The following PDE7B variants were observed in gnomAD, a reference collection of about 807,000 sequenced individuals.
PDE7B encodes the protein phosphodiesterase 7B, also known as 3',5'-cyclic-AMP phosphodiesterase 7B.
PDE7B carries 29 observed loss-of-function variants against 56.2 expected under a neutral mutation model. The observed-to-expected ratio is 0.52, with a 90% CI of 0.38 to 0.70. The LOEUF (loss-of-function observed/expected upper bound fraction) is 0.70. Among genes scored for constraint, PDE7B ranks in the 30% least tolerant of loss-of-function variants. The probability of loss-of-function intolerance (pLI) is 0.00; values close to 1 mark genes in which losing one functional copy is unlikely to be tolerated. For synonymous variants in PDE7B, 197 were observed against 196.9 expected, an observed-to-expected ratio of 1.00 and a Z score of 0.00; for missense variants, 490 against 565.0, an observed-to-expected ratio of 0.87 and a Z score of 1.35.
At chr6:136,077,145 C>T (rs534996925) in intron 2 of PDE7B, among the ~76,000 whole-genome samples, 10 of 151,950 alleles carry the variant, frequency 6.6e-5, no homozygotes, top group African/African-American at 2.2e-4. Flanking sequence ...GAGCATCTAG[C>T]ACAGGAGAGA....
chr6:135,857,024 T>TC lies in PDE7B; in HGVS notation c.21+5007dup, dbSNP rs1562412156. Among the ~76,000 whole-genome samples, 141 of 127,588 alleles carry TC rather than the reference T, an allele frequency of 1.1e-3. 2 individuals carry two copies. Among genetic ancestry groups the TC allele is most frequent in the East Asian group, 6.3e-3 (26 of 4,096 alleles). The allele number at this position is 127,588 out of a possible 152,430, so 83.7% of individuals were successfully genotyped here. On this transcript the variant is annotated intron_variant, in intron 1 of 12. Transcript: ENST00000308191. Reference sequence around the variant, plus strand: ...TTTCCTTCTGCCCTCTTACTCCTTTTCCTCCCTCCCTCCCTCCCTCCCTCC... The same window carrying TC: ...TTTCCTTCTGCCCTCTTACTCCTTTTCCCTCCCTCCCTCCCTCCCTCCCTCC...
chr6:136,147,695 C>T (rs541887984), intron 4 of PDE7B, among the ~76,000 whole-genome samples, 193 bp downstream of exon 4: 6 of 152,220 alleles, frequency 3.9e-5, no homozygotes, highest in East Asian at 1.9e-4. Flanking sequence ...ATGAGGTGCA[C>T]GAAGTAAACC....
At chr6:136,001,361 A>G (rs1184204335) in intron 2 of PDE7B, among the ~76,000 whole-genome samples, 2 of 152,248 alleles carry the variant, frequency 1.3e-5, no homozygotes, top group Non-Finnish European at 2.9e-5. Context: ...AATGACTTTG[A>G]CGAGTTGAGA....
chr6:135,890,926 T>A (rs1775799728), intron 1 of PDE7B, among the ~76,000 whole-genome samples: 1 of 152,172 alleles, frequency 6.6e-6, no homozygotes. Flanking sequence ...TTTCGAACAG[T>A]TAACTGTATA....
intron 1 of PDE7B, among the ~76,000 whole-genome samples, chr6:135,863,775 C>T (rs1007064311): frequency 1.3e-5 from 2 of 150,038 alleles, no homozygotes; most frequent in African/African-American, 4.9e-5. Context: ...TTAGTGGTTG[C>T]ATGCCTTATC....
At chr6:136,179,309 C>G (rs995216280) in intron 10 of PDE7B, among the ~76,000 whole-genome samples, 168 bp downstream of exon 10, 1 of 152,050 alleles carries the variant, frequency 6.6e-6, no homozygotes, top group Admixed American at 6.6e-5. Flanking sequence ...CCACTGCACT[C>G]CAGCCTGGGT....
intron 2 of PDE7B, chr6:136,037,441 C>T: frequency 1.0e-6 from 1 of 985,372 alleles, no homozygotes; most frequent in Non-Finnish European, 1.2e-6. Flanking sequence ...CCAAATGACA[C>T]AAGGGGGAGG....
chr6:135,978,623 G>A (rs952939351), intron 2 of PDE7B, among the ~76,000 whole-genome samples: 4 of 151,338 alleles, frequency 2.6e-5, no homozygotes, highest in African/African-American at 7.3e-5. Flanking sequence ...ACAAACATAC[G>A]ACTGTACAAA....
chr6:135,947,239 C>A (rs1399587266), intron 1 of PDE7B, among the ~76,000 whole-genome samples: 4 of 152,104 alleles, frequency 2.6e-5, no homozygotes, highest in Non-Finnish European at 4.4e-5. Flanking sequence ...ATAGAATCTG[C>A]TCTATGCAGG....
At chr6:135,933,118 G>A (rs1400792929) in intron 1 of PDE7B, among the ~76,000 whole-genome samples, 1 of 152,188 alleles carries the variant, frequency 6.6e-6, no homozygotes, top group Admixed American at 6.5e-5. Context: ...CTAGGATACA[G>A]TGGAGTTGGG....
intron 2 of PDE7B, among the ~76,000 whole-genome samples, chr6:136,062,394 A>G (rs1306020443): frequency 6.6e-6 from 1 of 152,186 alleles, no homozygotes; most frequent in Non-Finnish European, 1.5e-5. Context: ...AATATTTAAG[A>G]TCTAAGCTCT....
At chr6:135,969,756 T>C (rs895407884) in intron 2 of PDE7B, among the ~76,000 whole-genome samples, 13 of 152,224 alleles carry the variant, frequency 8.5e-5, no homozygotes, top group Middle Eastern at 3.4e-3. Context: ...AATTGACAAA[T>C]GGGACCTAAT....
intron 2 of PDE7B, among the ~76,000 whole-genome samples, chr6:135,985,871 T>C (rs1007654166): frequency 6.6e-6 from 1 of 152,124 alleles, no homozygotes; most frequent in Non-Finnish European, 1.5e-5. Flanking sequence ...ACTGAGACCT[T>C]GACAACGTGT....
intron 1 of PDE7B, among the ~76,000 whole-genome samples, chr6:135,932,615 C>A (rs1181063493): frequency 6.6e-6 from 1 of 152,070 alleles, no homozygotes; most frequent in Non-Finnish European, 1.5e-5. Flanking sequence ...TACTATTGAG[C>A]CAGGAGCTTT....
intron 1 of PDE7B, among the ~76,000 whole-genome samples, chr6:135,890,286 T>C (rs1470173882): frequency 6.6e-6 from 1 of 152,246 alleles, no homozygotes; most frequent in African/African-American, 2.4e-5. Context: ...AAATTATTCT[T>C]TACTCTCTGA....
chr6:136,136,813 A>C (rs897093039), intron 3 of PDE7B, among the ~76,000 whole-genome samples: 2 of 151,838 alleles, frequency 1.3e-5, no homozygotes, highest in Non-Finnish European at 2.9e-5. Flanking sequence ...GGACCCTGGA[A>C]CTCCATTTTG....
At chr6:136,157,728 A>C (rs1339231454) in intron 8 of PDE7B, among the ~76,000 whole-genome samples, 7 of 152,228 alleles carry the variant, frequency 4.6e-5, no homozygotes, top group Non-Finnish European at 8.8e-5. Context: ...AAAAAAAAGA[A>C]CATAGAAAAA....
chr6:136,170,114 G>T (rs190815873), intron 8 of PDE7B, among the ~76,000 whole-genome samples: 1 of 152,260 alleles, frequency 6.6e-6, no homozygotes, highest in East Asian at 1.9e-4. Flanking sequence ...AGCATTGATT[G>T]TGTCACTAAC....
intron 2 of PDE7B, among the ~76,000 whole-genome samples, chr6:136,035,850 G>A (rs1776318434): frequency 6.6e-6 from 1 of 152,190 alleles, no homozygotes; most frequent in African/African-American, 2.4e-5. Context: ...AATGAACAAT[G>A]AAGTGTTGTG....
Sources: allele counts gnomAD v4.1 joint callset (sites outside exome capture counted in the v4.1 genomes callset), GRCh38; gene constraint gnomAD v4.1.1; transcripts MANE v1.5; gene names NCBI Gene and HGNC (gene_info 2026-07-23, HGNC 2026-07-21).